The following LRP1 variants were observed in gnomAD, a reference collection of about 807,000 sequenced individuals.
LRP1 encodes prolow-density lipoprotein receptor-related protein 1.
In LRP1, 51 loss-of-function variants were observed where a neutral mutation model predicts 541.5. The ratio of observed to expected loss-of-function variants is 0.09; its 90% CI spans 0.08 to 0.12. The LOEUF is 0.12. Ranked by LOEUF, LRP1 falls within the 10% of genes least tolerant of loss-of-function variation. LRP1 has a pLI of 1.00. For synonymous variants in LRP1, 2,219 were observed against 2,470.8 expected, an observed-to-expected ratio of 0.90 and a Z score of 3.02; for missense variants, 3,878 against 6,376.2, an observed-to-expected ratio of 0.61 and a Z score of 13.34.
rs2036562459 is a variant in LRP1, at chr12:57,197,530, A to G, written c.9163-15A>G. ...CCACAACCGACTTCTGCTGTCCTTC[A>G]CTCCCCAAATCCAGGGCCTGAACAA... On this transcript the variant is annotated splice_polypyrimidine_tract_variant and intron_variant, in intron 57 of 88. Transcript: ENST00000243077. The surrounding 1 kb of genome is among the most constrained non-coding windows in gnomAD (Gnocchi z 4.5). 1 of 1,611,590 alleles carries G rather than the reference A, an allele frequency of 6.2e-7. No individual in the cohort carries two copies. The highest frequency in any genetic ancestry group is 8.5e-7 in the Non-Finnish European group (1 of 1,179,380).
Position 57,179,166 on chromosome 12 carries a change from G to A in LRP1, c.4738+145G>A. On this transcript the variant is annotated intron_variant, in intron 28 of 88. Coordinates refer to ENST00000243077, the MANE Select transcript of LRP1 (RefSeq NM_002332.3). The surrounding 1 kb of genome is among the most constrained non-coding windows in gnomAD (Gnocchi z 6.8). ...GCTCCAGAGACAGCCACTGTGAGAA[G>A]GGGCTGCAGGTCTGCCAGGGGGGCT... is the stretch of plus-strand genomic sequence containing the variant. 1 of 1,301,392 alleles carries A rather than the reference G, an allele frequency of 7.7e-7. No homozygotes were observed. The highest frequency in any genetic ancestry group is 1.1e-6 in the Non-Finnish European group (1 of 951,564). 80.6% of individuals were successfully genotyped at this position (1,301,392 alleles called of 1,614,324 possible).
chr12:57,166,731 C>T (rs570284883), intron 17 of LRP1, among the ~76,000 whole-genome samples, 199 bp from the exon 18 acceptor site: 1 of 150,236 alleles, frequency 6.7e-6, no homozygotes, highest in East Asian at 2.0e-4. Context: ...TAGATCTCCT[C>T]CTGGGAGGAT....
chr12:57,195,775 A>T lies in LRP1; in HGVS notation c.8555A>T (p.Glu2852Val). ...GCAGATGGCTCTGATGAGTCCCCCG[A>T]GTGTGGTGAGCCTTCGGCGGTGGTG... ...DCADGSDESP[E>V]CEYPTCGPSE... The change falls in exon 53 of 89, where the codon GAG becomes GTG. Residue 2852 changes from glutamate (E) to valine (V), a missense_variant. This residue lies in a region of LRP1 where 1,100 missense variants were observed against 1,827.4 expected (regional missense o/e 0.60). Transcript: ENST00000243077. 6.2e-7 allele frequency: 1 copy of T among 1,614,030 alleles called. No individual in the cohort carries two copies. Among genetic ancestry groups the T allele is most frequent in the Non-Finnish European group, 8.5e-7 (1 of 1,179,986 alleles).
chr12:57,192,586 G>A (rs1225548845), intron 44 of LRP1, among the ~76,000 whole-genome samples: 1 of 152,092 alleles, frequency 6.6e-6, no homozygotes, highest in Non-Finnish European at 1.5e-5. Context: ...GAATCTCTCA[G>A]AAACACTCCT....
chr12:57,181,166 G>A lies in LRP1; in HGVS notation c.5537G>A (p.Gly1846Asp), dbSNP rs2036158091. 1.2e-6 allele frequency: 2 copies of A among 1,613,278 alleles called. No homozygotes were observed. Among genetic ancestry groups the A allele is most frequent in the Non-Finnish European group, 1.7e-6 (2 of 1,179,752 alleles). Residue 1846 changes from glycine (G) to aspartate (D), a missense_variant, in exon 34 of 89, where the codon GGC (glycine) becomes GAC (aspartate). Physicochemically the swap from Gly to Asp is moderately conservative, Grantham distance 94. Coordinates refer to ENST00000243077, the MANE Select transcript of LRP1 (RefSeq NM_002332.3). The part of the protein sequence containing the change: ...YDESIQLDHK[G>D]TNPCSVNNGD... The stretch of plus-strand genomic sequence containing the variant: ...TCCCACCTGCCCCCAGACCATAAGG[G>A]CACCAACCCCTGCAGTGTCAACAAC...
At chr12:57,130,410 C>T (rs2035014637) in intron 1 of LRP1, among the ~76,000 whole-genome samples, 1 of 152,106 alleles carries the variant, frequency 6.6e-6, no homozygotes, top group Non-Finnish European at 1.5e-5. Flanking sequence ...ATCTTGGGGA[C>T]TCTCTACCCC....
intron 1 of LRP1, among the ~76,000 whole-genome samples, chr12:57,134,544 T>G (rs1006107305): frequency 5.3e-5 from 8 of 152,048 alleles, no homozygotes; most frequent in Admixed American, 3.9e-4. Flanking sequence ...CTCCGCCTCC[T>G]GCTAATTTTT....
rs1398438181 is a variant in LRP1, at chr12:57,206,023, T to C, written c.11590+346T>C. 1.3e-5 allele frequency among the ~76,000 whole-genome samples: 2 copies of C among 152,138 alleles called. No homozygotes were observed. Among genetic ancestry groups the C allele is most frequent in the African/African-American group, 4.8e-5 (2 of 41,434 alleles). The stretch of plus-strand genomic sequence containing the variant: ...ACATGCTTTGATGCCCACCTTGCCT[T>C]CCACATGCCTGTACACAGACATTCA... On this transcript the variant is annotated intron_variant, in intron 75 of 88. Transcript: ENST00000243077. The surrounding 1 kb of genome is among the most constrained non-coding windows in gnomAD (Gnocchi z 4.7).
Position 57,154,305 on chromosome 12 carries a change from A to G in LRP1, c.939A>G (p.Thr313=), listed in dbSNP as rs1376623445. Residue 313 remains threonine (T), a synonymous_variant, in exon 7 of 89, where the codon ACA becomes ACG. Coordinates refer to ENST00000243077, the MANE Select transcript of LRP1 (RefSeq NM_002332.3). This position sits in a 1 kb window ranked among gnomAD's most constrained non-coding sequence, Gnocchi z 4.6. ...RIFVCNRNGD[T]CVTLLDLELY... ...TTGTCTGCAACAGAAATGGGGACAC[A>G]TGTGTCACATTGCTAGACCTGGAAC... 1 of 1,614,186 alleles carries G rather than the reference A, an allele frequency of 6.2e-7. No individual in the cohort carries two copies. The highest frequency in any genetic ancestry group is 1.1e-5 in the South Asian group (1 of 91,088).
At chr12:57,136,422 A>C (rs1297644033) in intron 1 of LRP1, among the ~76,000 whole-genome samples, 1 of 117,756 alleles carries the variant, frequency 8.5e-6, no homozygotes, top group African/African-American at 3.2e-5. Context: ...TTTTCCTTAT[A>C]CTTCTGTCTC....
At position 57,178,882 on chromosome 12, in the gene LRP1, G is replaced by A; in HGVS notation, c.4607-8G>A. ...TCTGGCTTCTTCTCTTCTCCACCCT[G>A]CCCCCAGCTCCCAATCCCTGTGAGG... On this transcript the variant is annotated splice_region_variant and splice_polypyrimidine_tract_variant and intron_variant, in intron 27 of 88. Coordinates refer to ENST00000243077, the MANE Select transcript of LRP1 (RefSeq NM_002332.3). This position sits in a 1 kb window ranked among gnomAD's most constrained non-coding sequence, Gnocchi z 5.8. 1 of 1,608,544 alleles carries A rather than the reference G, an allele frequency of 6.2e-7. No homozygotes were observed. The highest frequency in any genetic ancestry group is 2.2e-5 in the East Asian group (1 of 44,868).
At position 57,186,811 on chromosome 12, in the gene LRP1, A is replaced by G. The variant is rs530229226; in HGVS notation, c.6842-456A>G. ...CTAACACTCTAGTCTTTTCTCTTAC[A>G]CTGCTGTTCGGCTGTGTCTCTCACT... On this transcript the variant is annotated intron_variant, in intron 41 of 88. Coordinates refer to ENST00000243077, the MANE Select transcript of LRP1 (RefSeq NM_002332.3). 9.2e-5 allele frequency among the ~76,000 whole-genome samples: 14 copies of G among 152,224 alleles called. No homozygotes were observed. The East Asian group carries it at 2.5e-3, about 27-fold the overall frequency.
chr12:57,166,446 A>AGGT, intron 17 of LRP1: 2 of 494,588 alleles, frequency 4.0e-6, no homozygotes, highest in Non-Finnish European at 7.1e-6. Flanking sequence ...CTCTAGTCCC[A>AGGT]GCTACTTGAG....
In LRP1 at chr12:57,141,367, C is replaced by A. The variant is rs1406818019; in HGVS notation, c.191-7C>A. 1.9e-6 allele frequency: 3 copies of A among 1,613,962 alleles called. No homozygotes were observed. Among genetic ancestry groups the A allele is most frequent in the Non-Finnish European group, 2.5e-6 (3 of 1,179,978 alleles). ...TTGTTCATGCCCACCCTTCTGTCTGCCCTCAGGTCCACAGAGTAAGGCCCA... is the reference window on the plus strand; with the variant it reads ...TTGTTCATGCCCACCCTTCTGTCTGACCTCAGGTCCACAGAGTAAGGCCCA... On this transcript the variant is annotated splice_polypyrimidine_tract_variant and splice_region_variant and intron_variant, in intron 2 of 88. Coordinates refer to ENST00000243077, the MANE Select transcript of LRP1 (RefSeq NM_002332.3).
At position 57,173,820 on chromosome 12, in the gene LRP1, T is replaced by C. The variant is rs34425043; in HGVS notation, c.3387T>C (p.Asn1129=). 9.4e-4 allele frequency: 1,519 copies of C among 1,614,126 alleles called. 10 individuals carry two copies. The African/African-American group carries it at 0.018, about 19-fold the overall frequency. The part of the protein sequence containing the change: ...ISKAWVCDGD[N]DCEDNSDEEN... Reference sequence around the variant, plus strand: ...AAGCGTGGGTGTGTGATGGCGACAATGACTGTGAGGATAACTCGGACGAGG... The same window carrying C: ...AAGCGTGGGTGTGTGATGGCGACAACGACTGTGAGGATAACTCGGACGAGG... Residue 1129 remains asparagine (N), a synonymous_variant, in exon 22 of 89, where the codon AAT becomes AAC. Transcript: ENST00000243077. This position sits in a 1 kb window ranked among gnomAD's most constrained non-coding sequence, Gnocchi z 4.7.
intron 47 of LRP1, 34 bp downstream of exon 47, chr12:57,193,719 C>T (rs1346717314): frequency 6.2e-7 from 1 of 1,614,008 alleles, no homozygotes; most frequent in African/African-American, 1.3e-5. Context: ...CCCATCTGTA[C>T]CTCAGTTCCT....
At chr12:57,169,437 G>T in intron 20 of LRP1, 130 bp downstream of exon 20, 1 of 887,054 alleles carries the variant, frequency 1.1e-6, no homozygotes, top group Non-Finnish European at 1.7e-6. Context: ...GCCTAGGCAT[G>T]GCTCTTGTCC....
Position 57,194,350 on chromosome 12 carries a change from C to T in LRP1, c.7919-4C>T, listed in dbSNP as rs777203304. 19 of 1,510,148 alleles carry T rather than the reference C, an allele frequency of 1.3e-5. No homozygotes were observed. Among genetic ancestry groups the T allele is most frequent in the Non-Finnish European group, 1.8e-6 (2 of 1,130,730 alleles). The allele number at this position is 1,510,148 out of a possible 1,614,324, so 93.5% of individuals were successfully genotyped here. ...GGTATCACCCTCACCCCTGCCCCCA[C>T]CAGGTGCCACCGACTGCAGCAGCTA... On this transcript the variant is annotated splice_polypyrimidine_tract_variant and splice_region_variant and intron_variant, in intron 48 of 88. Coordinates refer to ENST00000243077, the MANE Select transcript of LRP1 (RefSeq NM_002332.3).
At chr12:57,194,944 C>T in intron 50 of LRP1, 41 bp from the exon 51 acceptor site, 1 of 1,540,838 alleles carries the variant, frequency 6.5e-7, no homozygotes, top group Non-Finnish European at 9.0e-7. Flanking sequence ...GTGGGTGACC[C>T]CCACCCTTCC....
Sources: allele counts gnomAD v4.1 joint callset (sites outside exome capture counted in the v4.1 genomes callset), GRCh38; gene constraint gnomAD v4.1.1; regional missense constraint gnomAD v4.1.1; non-coding constraint Gnocchi (gnomAD v3.1); transcripts MANE v1.5; gene names NCBI Gene and HGNC (gene_info 2026-07-23, HGNC 2026-07-21).